Variants in LSAMP observed in about 807,000 individuals in gnomAD.
LSAMP encodes limbic system associated membrane protein.
Under a neutral mutation model 38.6 loss-of-function variants are expected in LSAMP, and 7 were observed. The ratio of observed to expected loss-of-function variants is 0.18; its 90% CI spans 0.10 to 0.34. LSAMP has a LOEUF of 0.34. LSAMP is among the 10% of genes least tolerant of loss of function. The probability of loss-of-function intolerance (pLI) is 1.00; values close to 1 mark genes in which losing one functional copy is unlikely to be tolerated. For missense variants in LSAMP, 313 were observed against 420.0 expected (o/e 0.75, Z 2.23); for synonymous variants, 154 against 166.8 (o/e 0.92, Z 0.59).
At chr3:116,355,468 C>CTGAAACTA (rs1203209085) in intron 1 of LSAMP, among the ~76,000 whole-genome samples, 1 of 152,074 alleles carries the variant, frequency 6.6e-6, no homozygotes, top group Non-Finnish European at 1.5e-5. Context: ...AATGTGAGAC[C>CTGAAACTA]TGAAACTATG....
intron 3 of LSAMP, among the ~76,000 whole-genome samples, chr3:115,964,221 C>A (rs960104070): frequency 6.6e-6 from 1 of 152,048 alleles, no homozygotes; most frequent in African/African-American, 2.4e-5. Context: ...TTATCATCAC[C>A]TTTTATAGGT....
chr3:115,973,454 C>G (rs566863311), intron 3 of LSAMP, among the ~76,000 whole-genome samples: 2 of 152,238 alleles, frequency 1.3e-5, no homozygotes, highest in Admixed American at 1.3e-4. Flanking sequence ...TTATGTTGGC[C>G]AGGCGCGGTG....
intron 3 of LSAMP, among the ~76,000 whole-genome samples, chr3:115,957,340 G>T (rs117497203): frequency 6.6e-6 from 1 of 152,068 alleles, no homozygotes; most frequent in Non-Finnish European, 1.5e-5. Flanking sequence ...TGTTTGTTTC[G>T]GAAACTCTTA....
chr3:116,198,441 A>C (rs1325005994), intron 1 of LSAMP, among the ~76,000 whole-genome samples: 1 of 152,174 alleles, frequency 6.6e-6, no homozygotes, highest in Admixed American at 6.5e-5. Flanking sequence ...AGTGATGCTT[A>C]GTTTTGCTAT....
chr3:116,304,400 A>T (rs2047454632), intron 1 of LSAMP, among the ~76,000 whole-genome samples: 1 of 152,150 alleles, frequency 6.6e-6, no homozygotes, highest in African/African-American at 2.4e-5. Flanking sequence ...ATGACGAAGA[A>T]GCTGTTTCGG....
intron 3 of LSAMP, among the ~76,000 whole-genome samples, chr3:115,948,651 T>C (rs1938183345): frequency 6.6e-6 from 1 of 152,136 alleles, no homozygotes; most frequent in Non-Finnish European, 1.5e-5. Context: ...GGAAAGTTCA[T>C]AGCATTAAAT....
intron 2 of LSAMP, among the ~76,000 whole-genome samples, chr3:116,032,752 A>G (rs1458120773): frequency 6.6e-6 from 1 of 152,096 alleles, no homozygotes; most frequent in African/African-American, 2.4e-5. Context: ...GCAGTGAGCT[A>G]TGATCATGCT....
At chr3:116,050,609 T>C (rs1941379289) in intron 2 of LSAMP, among the ~76,000 whole-genome samples, 1 of 152,044 alleles carries the variant, frequency 6.6e-6, no homozygotes, top group Non-Finnish European at 1.5e-5. Flanking sequence ...GCAAACCAGA[T>C]GAATTTCTTA....
At chr3:116,015,272 T>C (rs879763932) in intron 3 of LSAMP, among the ~76,000 whole-genome samples, 6 of 152,118 alleles carry the variant, frequency 3.9e-5, no homozygotes, top group Admixed American at 2.6e-4. Context: ...ATGAAACGCA[T>C]AGAAACTCTT....
intron 1 of LSAMP, among the ~76,000 whole-genome samples, chr3:116,405,209 T>C (rs2048884607): frequency 6.6e-6 from 1 of 152,158 alleles, no homozygotes; most frequent in African/African-American, 2.4e-5. Flanking sequence ...TTTACCACTC[T>C]GAACAACAGG....
chr3:116,089,635 G>C (rs1314914684), intron 1 of LSAMP, among the ~76,000 whole-genome samples: 2 of 152,088 alleles, frequency 1.3e-5, no homozygotes, highest in Admixed American at 6.5e-5. Flanking sequence ...GGGATTACAG[G>C]CGTGAGCCAC....
At chr3:116,006,920 C>T (rs1422589519) in intron 3 of LSAMP, among the ~76,000 whole-genome samples, 1 of 152,210 alleles carries the variant, frequency 6.6e-6, no homozygotes, top group East Asian at 1.9e-4. Flanking sequence ...TCAAGTCTCT[C>T]ATCCCCTGAT....
At chr3:116,435,738 C>T (rs1390118829) in intron 1 of LSAMP, among the ~76,000 whole-genome samples, 1 of 152,102 alleles carries the variant, frequency 6.6e-6, no homozygotes, top group Admixed American at 6.5e-5. Context: ...CTCAAAGGAT[C>T]TTAAATAATA....
At chr3:115,846,172 G>T (rs555306827) in intron 4 of LSAMP, among the ~76,000 whole-genome samples, 1 of 152,106 alleles carries the variant, frequency 6.6e-6, no homozygotes, top group African/African-American at 2.4e-5. Context: ...TTCAAAATAT[G>T]GTTATAATAA....
At chr3:116,338,127 T>C (rs1019481199) in intron 1 of LSAMP, among the ~76,000 whole-genome samples, 1 of 152,040 alleles carries the variant, frequency 6.6e-6, no homozygotes, top group Non-Finnish European at 1.5e-5. Flanking sequence ...AAACCTTGTG[T>C]GAAAGATTTG....
intron 3 of LSAMP, among the ~76,000 whole-genome samples, chr3:115,921,711 G>A (rs1937386517): frequency 6.6e-6 from 1 of 152,024 alleles, no homozygotes; most frequent in Non-Finnish European, 1.5e-5. Context: ...CTAATTTGAA[G>A]TTTTTAGCTT....
intron 1 of LSAMP, among the ~76,000 whole-genome samples, chr3:116,179,717 T>G (rs1710439339): frequency 6.6e-6 from 1 of 152,036 alleles, no homozygotes; most frequent in South Asian, 2.1e-4. Context: ...GGGGAAAATC[T>G]GGCCCCATGA....
chr3:115,927,242 AGAT>A (rs1414371926), intron 3 of LSAMP, among the ~76,000 whole-genome samples: 1 of 152,230 alleles, frequency 6.6e-6, no homozygotes, highest in Non-Finnish European at 1.5e-5. Context: ...TGAAAAAAGA[AGAT>A]GAGGAGAGAC....
At chr3:115,899,636 C>A (rs1275134734) in intron 3 of LSAMP, among the ~76,000 whole-genome samples, 2 of 152,138 alleles carry the variant, frequency 1.3e-5, no homozygotes, top group Non-Finnish European at 2.9e-5. Context: ...TCTTATATGT[C>A]AAATTGCCAT....
Sources: allele counts gnomAD v4.1 joint callset (sites outside exome capture counted in the v4.1 genomes callset), GRCh38; gene constraint gnomAD v4.1.1; transcripts MANE v1.5; gene names NCBI Gene and HGNC (gene_info 2026-07-23, HGNC 2026-07-21).